The following POMT1 variants were observed in gnomAD, a reference collection of about 807,000 sequenced individuals.
The protein encoded by POMT1 is protein O-mannosyltransferase 1, also known as protein O-mannosyl-transferase 1.
In POMT1, 85 loss-of-function variants were observed where a neutral mutation model predicts 101.6. That is an observed-to-expected ratio of 0.84 (90% CI 0.70 to 1.00). The LOEUF is 1.00. Ranked by LOEUF, POMT1 falls within the 50% of genes least tolerant of loss-of-function variation. POMT1 has a pLI of 0.00. For synonymous variants in POMT1, 371 were observed against 383.0 expected, an observed-to-expected ratio of 0.97 and a Z score of 0.37; for missense variants, 857 against 930.4, an observed-to-expected ratio of 0.92 and a Z score of 1.03.
chr9:131,521,142 T>C (rs1949841564), intron 17 of POMT1: 1 of 665,074 alleles, frequency 1.5e-6, no homozygotes, highest in Non-Finnish European at 2.6e-6. Context: ...CACACCCGGC[T>C]GGCATCAGTG....
chr9:131,505,922 T>C (rs1211293226), intron 2 of POMT1, among the ~76,000 whole-genome samples, 192 bp from the exon 3 acceptor site: 2 of 152,148 alleles, frequency 1.3e-5, no homozygotes, highest in Non-Finnish European at 2.9e-5. Context: ...GAATTCCCCA[T>C]GTCTCTGTGG....
chr9:131,506,094 GT>G lies in POMT1; in HGVS notation c.123-18del, dbSNP rs1564331634. On this transcript the variant is annotated intron_variant, in intron 2 of 19. Transcript: ENST00000402686. Reference sequence around the variant, plus strand: ...AAGATTCTAATTGAATATAATATGGGTTGTTGTTTTTTTTTCTAGTTTTGAC... The same window carrying G: ...AAGATTCTAATTGAATATAATATGGGTGTTGTTTTTTTTTCTAGTTTTGAC... The G allele has an allele frequency of 6.2e-7, 1 of 1,609,184 alleles. No individual in the cohort carries two copies. The highest frequency in any genetic ancestry group is 1.7e-5 in the Admixed American group (1 of 59,752).
intron 17 of POMT1, among the ~76,000 whole-genome samples, 196 bp downstream of exon 17, chr9:131,520,389 T>C (rs1019798653): frequency 6.6e-6 from 1 of 152,252 alleles, no homozygotes; most frequent in Non-Finnish European, 1.5e-5. Context: ...CATGTGTGCC[T>C]GTTGAAGGAA....
chr9:131,510,336 T>G lies in POMT1; in HGVS notation c.776T>G (p.Phe259Cys). The G allele has an allele frequency of 6.2e-7, 1 of 1,614,194 alleles. No homozygotes were observed. The highest frequency in any genetic ancestry group is 8.5e-7 in the Non-Finnish European group (1 of 1,180,018). The change falls in exon 9 of 20, where the codon TTC (phenylalanine) becomes TGC (cysteine). Residue 259 changes from phenylalanine to cysteine, a missense_variant. Transcript: ENST00000402686. ...VIPVVLYLLF[F>C]YVHLILVFRS... ...CCGGTCGTCCTGTACTTACTGTTCT[T>G]CTACGTCCACTTGATTCTAGTCTTC...
intron 4 of POMT1, 130 bp downstream of exon 4, chr9:131,506,583 T>C (rs1025586551): frequency 2.3e-6 from 2 of 851,898 alleles, no homozygotes; most frequent in East Asian, 2.4e-5. Context: ...CTGTGCCTTA[T>C]TAATCTGAGT....
intron 2 of POMT1, among the ~76,000 whole-genome samples, chr9:131,505,710 G>A (rs905766656): frequency 2.4e-5 from 3 of 124,194 alleles, no homozygotes; most frequent in East Asian, 2.6e-4. Flanking sequence ...ACTTGCAGCC[G>A]TTTCATTGGG....
intron 14 of POMT1, 129 bp from the exon 15 acceptor site, chr9:131,518,708 C>A: frequency 6.6e-7 from 1 of 1,508,746 alleles, no homozygotes; most frequent in South Asian, 1.1e-5. Context: ...GATGGAATCC[C>A]AATGTGAATC....
Position 131,520,709 on chromosome 9 carries a change from C to T in POMT1, c.1698+516C>T, listed in dbSNP as rs536690841. 2.6e-5 allele frequency among the ~76,000 whole-genome samples: 4 copies of T among 152,360 alleles called. No homozygotes were observed. The South Asian group carries it at 8.3e-4, about 32-fold the overall frequency. On this transcript the variant is annotated intron_variant, in intron 17 of 19. Transcript: ENST00000402686. The stretch of plus-strand genomic sequence containing the variant: ...GCAGAGGCTCAGGCCCAGAGGCCGC[C>T]CCACCCCGAGCTCTGAGCGCACTTT...
In POMT1 at chr9:131,523,105, A is replaced by G; in HGVS notation, c.2177A>G (p.Ter726TrpextTer24). Residue 726 changes from the stop codon to tryptophan (W), a stop_lost, in exon 20 of 20, where the codon TAG becomes TGG. Transcript: ENST00000402686. ...TGGGACATCTTGATCCGAAAACACT[A>G]GAACAAGAGTGTGGCAAAGAACACC... ...DSWDILIRKH[*>W] is the part of the protein sequence containing the mutation. The G allele has an allele frequency of 1.9e-6, 3 of 1,610,584 alleles. No homozygotes were observed. The highest frequency in any genetic ancestry group is 2.5e-6 in the Non-Finnish European group (3 of 1,179,668).
intron 4 of POMT1, 69 bp from the exon 5 acceptor site, chr9:131,507,299 C>T: frequency 1.2e-6 from 2 of 1,609,128 alleles, no homozygotes; most frequent in Non-Finnish European, 1.7e-6. Context: ...TATGTGAAAG[C>T]ATAGCTGCAG....
Position 131,523,102 on chromosome 9 carries a change from A to C in POMT1, c.2174A>C (p.His725Pro), listed in dbSNP as rs752290601. Reference protein sequence around the residue: ...KDSWDILIRKH With the variant: ...KDSWDILIRKP ...AGCTGGGACATCTTGATCCGAAAAC[A>C]CTAGAACAAGAGTGTGGCAAAGAAC... Residue 725 changes from histidine to proline, a missense_variant, in exon 20 of 20, where the codon CAC becomes CCC. By Grantham distance (77) the His-to-Pro change is moderately conservative (BLOSUM62 -2). Coordinates refer to ENST00000402686, the MANE Select transcript of POMT1 (RefSeq NM_001077365.2). The C allele has an allele frequency of 1.2e-6, 2 of 1,610,748 alleles. No individual in the cohort carries two copies. Among genetic ancestry groups the C allele is most frequent in the East Asian group, 2.2e-5 (1 of 44,868 alleles).
At chr9:131,518,317 C>T (rs938867804) in intron 13 of POMT1, 128 bp from the exon 14 acceptor site, 2 of 871,266 alleles carry the variant, frequency 2.3e-6, no homozygotes, top group African/African-American at 1.6e-5. Flanking sequence ...TTATAGCTTC[C>T]CTCACTTGGG....
intron 6 of POMT1, 38 bp downstream of exon 6, chr9:131,509,060 A>T: frequency 6.9e-7 from 1 of 1,456,062 alleles, no homozygotes; most frequent in Non-Finnish European, 9.6e-7. Context: ...TAACGAGAAC[A>T]GAGATTCTGG....
Position 131,521,141 on chromosome 9 carries a change from C to A in POMT1, c.1699-205C>A, listed in dbSNP as rs908487425. The stretch of plus-strand genomic sequence containing the variant: ...TACAGGCATGTGCCACCACACCCGG[C>A]TGGCATCAGTGCTTTTAATGAAAGG... On this transcript the variant is annotated intron_variant, in intron 17 of 19. Coordinates refer to ENST00000402686, the MANE Select transcript of POMT1 (RefSeq NM_001077365.2). 7.6e-6 allele frequency: 5 copies of A among 659,164 alleles called. No individual in the cohort carries two copies. The South Asian group carries it at 8.5e-5, about 11-fold the overall frequency. 40.8% of individuals were successfully genotyped at this position (659,164 alleles called of 1,614,324 possible). A position where few individuals can be genotyped will look rare whatever the true frequency, so the allele number is the denominator to read the frequency against.
intron 13 of POMT1, among the ~76,000 whole-genome samples, chr9:131,517,887 T>C (rs2131837654): frequency 6.6e-6 from 1 of 152,378 alleles, no homozygotes; most frequent in Middle Eastern, 3.4e-3. Flanking sequence ...GCCTAGCTTC[T>C]TGGGTTCTCT....
At chr9:131,506,566 A>T in intron 4 of POMT1, 113 bp downstream of exon 4, 1 of 971,066 alleles carries the variant, frequency 1.0e-6, no homozygotes, top group Admixed American at 1.7e-5. Flanking sequence ...ACCTAGTCCC[A>T]CAGAAACTGT....
intron 13 of POMT1, among the ~76,000 whole-genome samples, chr9:131,516,175 G>A (rs1159254343): frequency 2.8e-5 from 3 of 107,624 alleles, no homozygotes; most frequent in Non-Finnish European, 5.5e-5. Flanking sequence ...CTCACACGGA[G>A]CACTTCCTCT....
In POMT1 at chr9:131,503,782, T is replaced by TG. The variant is rs1448929451; in HGVS notation, c.-30-403dup. On this transcript the variant is annotated intron_variant, in intron 1 of 19. Coordinates refer to ENST00000402686, the MANE Select transcript of POMT1 (RefSeq NM_001077365.2). The surrounding 1 kb of genome is among the most constrained non-coding windows in gnomAD (Gnocchi z 4.4). ...AGGAGGCCCCGAGGCTCGGCCAGGTTGGGGTCCCTGGGCTGTAAGCAGCTG... is the reference window on the plus strand; with the variant it reads ...AGGAGGCCCCGAGGCTCGGCCAGGTTGGGGGTCCCTGGGCTGTAAGCAGCTG... Among the ~76,000 whole-genome samples, 2 of 152,050 alleles carry TG rather than the reference T, an allele frequency of 1.3e-5. No homozygotes were observed. Among genetic ancestry groups the TG allele is most frequent in the African/African-American group, 4.8e-5 (2 of 41,398 alleles).
intron 12 of POMT1, among the ~76,000 whole-genome samples, chr9:131,514,483 C>T (rs946713): frequency 0.74 from 112,572 of 152,196 alleles, 42,651 homozygotes; most frequent in South Asian, 0.92. Context: ...GTGCTGTCCC[C>T]CACCATTTGT....
Sources: allele counts gnomAD v4.1 joint callset (sites outside exome capture counted in the v4.1 genomes callset), GRCh38; gene constraint gnomAD v4.1.1; non-coding constraint Gnocchi (gnomAD v3.1); transcripts MANE v1.5; gene names NCBI Gene and HGNC (gene_info 2026-07-23, HGNC 2026-07-21).